Variants in SLC12A8 observed in about 807,000 individuals in gnomAD.
SLC12A8 encodes solute carrier family 12 member 8, also known as cation-chloride cotransporter 9.
A neutral mutation model predicts 75.6 loss-of-function variants in SLC12A8; 69 were observed. The ratio of observed to expected loss-of-function variants is 0.91; its 90% confidence interval spans 0.75 to 1.11. The LOEUF (loss-of-function observed/expected upper bound fraction) is 1.11, where lower values mean the gene tolerates loss of function less well. SLC12A8 is among the 50% of genes most tolerant of loss of function. The pLI, the probability that SLC12A8 is intolerant of heterozygous loss-of-function variation, is 0.00. For missense variants in SLC12A8, 877 were observed against 896.7 expected (o/e 0.98, Z 0.28); for synonymous variants, 365 against 372.8 (o/e 0.98, Z 0.24).
intron 8 of SLC12A8, among the ~76,000 whole-genome samples, chr3:125,112,669 G>A (rs915072216): frequency 3.9e-5 from 6 of 152,132 alleles, no homozygotes; most frequent in Admixed American, 1.3e-4. Context: ...ATCATTCATC[G>A]ATAACCTTTA....
intron 9 of SLC12A8, 21 bp downstream of exon 9, chr3:125,110,168 C>G: frequency 6.3e-7 from 1 of 1,598,490 alleles, no homozygotes; most frequent in Non-Finnish European, 8.5e-7. Context: ...AAAAACAAAC[C>G]AAAAAAAGAG....
intron 10 of SLC12A8, among the ~76,000 whole-genome samples, chr3:125,106,935 C>T (rs1356063405): frequency 6.6e-6 from 1 of 152,186 alleles, no homozygotes; most frequent in Non-Finnish European, 1.5e-5. Flanking sequence ...ATGGTAGGTC[C>T]TTGAAAATAC....
intron 10 of SLC12A8, among the ~76,000 whole-genome samples, chr3:125,095,408 T>C (rs1938689034): frequency 6.6e-6 from 1 of 152,220 alleles, no homozygotes; most frequent in Non-Finnish European, 1.5e-5. Flanking sequence ...TATCAGAATA[T>C]ATTCTGGATA....
At chr3:125,106,943 T>G (rs1030202468) in intron 10 of SLC12A8, among the ~76,000 whole-genome samples, 1 of 152,340 alleles carries the variant, frequency 6.6e-6, no homozygotes, top group Middle Eastern at 3.4e-3. Context: ...TCCTTGAAAA[T>G]ACGAGTTCTC....
intron 1 of SLC12A8, 60 bp from the exon 2 acceptor site, chr3:125,211,454 C>T: frequency 1.1e-6 from 1 of 894,644 alleles, no homozygotes. Flanking sequence ...CCTTGTTGTC[C>T]ATCCTTTCTC....
At chr3:125,146,730 C>G (rs1194744937) in intron 5 of SLC12A8, among the ~76,000 whole-genome samples, 1 of 152,252 alleles carries the variant, frequency 6.6e-6, no homozygotes, top group South Asian at 2.1e-4. Flanking sequence ...CCTCCACCTC[C>G]CATGGCTCAA....
rs549903219 is a variant in SLC12A8 at position 125,143,908 on chromosome 3, A to G, written c.623-8126T>C. ...GCAGTCCCGGGGCTCTTTCTGAGCT[A>G]AGGATTCCTCATTTGTGAAAGGAAA... On this transcript the variant is annotated intron_variant, in intron 5 of 13. Coordinates refer to ENST00000469902, the MANE Select transcript of SLC12A8 (RefSeq NM_024628.6). 5.9e-5 allele frequency among the ~76,000 whole-genome samples: 9 copies of G among 152,346 alleles called. No homozygotes were observed. The South Asian group carries it at 1.9e-3, about 32-fold the overall frequency.
chr3:125,152,995 A>G (rs868478252), intron 5 of SLC12A8, among the ~76,000 whole-genome samples: 4 of 152,206 alleles, frequency 2.6e-5, no homozygotes, highest in African/African-American at 9.6e-5. Flanking sequence ...GTGTGTGTGC[A>G]GCCAGGCGCT....
At chr3:125,118,287 T>C (rs1193809272) in intron 8 of SLC12A8, among the ~76,000 whole-genome samples, 2 of 152,198 alleles carry the variant, frequency 1.3e-5, no homozygotes, top group Non-Finnish European at 2.9e-5. Flanking sequence ...TTTTCCATCA[T>C]GTCTCTTCCC....
intron 5 of SLC12A8, among the ~76,000 whole-genome samples, chr3:125,166,938 G>C (rs1472263557): frequency 2.6e-5 from 4 of 152,196 alleles, no homozygotes; most frequent in African/African-American, 7.2e-5. Flanking sequence ...TGGGGAGGAT[G>C]AGCCTCCGGA....
At chr3:125,167,679 G>A (rs1934319332) in intron 5 of SLC12A8, among the ~76,000 whole-genome samples, 1 of 152,156 alleles carries the variant, frequency 6.6e-6, no homozygotes, top group Admixed American at 6.6e-5. Context: ...GACCACACAG[G>A]GGATCCTGGA....
intron 13 of SLC12A8, among the ~76,000 whole-genome samples, chr3:125,086,997 T>C (rs576854476): frequency 2.0e-5 from 3 of 152,248 alleles, no homozygotes; most frequent in African/African-American, 7.2e-5. Context: ...GGCATGGTGA[T>C]GATAGCACAG....
chr3:125,131,842 GGA>G (rs1402554082), intron 6 of SLC12A8, among the ~76,000 whole-genome samples: 5 of 152,218 alleles, frequency 3.3e-5, no homozygotes, highest in African/African-American at 1.2e-4. Flanking sequence ...TCGGGGGCAG[GGA>G]GAGAGAGAGG....
chr3:125,127,838 T>A lies in SLC12A8; in HGVS notation c.737-7152A>T, dbSNP rs75800139. Among the ~76,000 whole-genome samples the A allele has an allele frequency of 5.3e-4, 81 of 152,356 alleles. No homozygotes were observed. The East Asian group carries it at 0.015, about 28-fold the overall frequency. Reference sequence around the variant, plus strand: ...TTTGATAAAACAATTATAAATTAATTCCATAAATAAAATTACAAAAAATAG... The same window carrying A: ...TTTGATAAAACAATTATAAATTAATACCATAAATAAAATTACAAAAAATAG... On this transcript the variant is annotated intron_variant, in intron 6 of 13. Transcript: ENST00000469902.
intron 5 of SLC12A8, among the ~76,000 whole-genome samples, chr3:125,151,988 T>C (rs1439307389): frequency 6.6e-6 from 1 of 152,190 alleles, no homozygotes; most frequent in Non-Finnish European, 1.5e-5. Flanking sequence ...GACGCTTAGG[T>C]GATTTCCCCA....
intron 5 of SLC12A8, among the ~76,000 whole-genome samples, chr3:125,173,394 A>G (rs1030642571): frequency 2.1e-5 from 3 of 146,000 alleles, no homozygotes; most frequent in Non-Finnish European, 3.0e-5. Context: ...AAGCAACTCA[A>G]TGGAGACAGG....
chr3:125,110,961 G>A (rs146801975), intron 8 of SLC12A8, among the ~76,000 whole-genome samples: 2 of 152,078 alleles, frequency 1.3e-5, no homozygotes, highest in Non-Finnish European at 2.9e-5. Flanking sequence ...CTGTCTGTAG[G>A]AAGCCTCTGT....
At chr3:125,199,218 A>G (rs1935072625) in intron 2 of SLC12A8, among the ~76,000 whole-genome samples, 1 of 152,198 alleles carries the variant, frequency 6.6e-6, no homozygotes. Context: ...TTGTTTTTAT[A>G]TGGTTTAGAG....
At chr3:125,191,855 G>A (rs548261205) in intron 2 of SLC12A8, among the ~76,000 whole-genome samples, 27 of 152,314 alleles carry the variant, frequency 1.8e-4, no homozygotes, top group Non-Finnish European at 3.4e-4. Flanking sequence ...TTGTGTCTCC[G>A]TCAGTCTCCA....
Sources: gnomAD v4.1 joint callset for allele counts (sites outside exome capture counted in the v4.1 genomes callset) on GRCh38, gnomAD v4.1.1 for gene constraint, MANE v1.5 for transcripts, NCBI Gene and HGNC (gene_info 2026-07-23, HGNC 2026-07-21) for gene names.